The following ANO2 variants were observed in gnomAD, a reference collection of about 807,000 sequenced individuals.
ANO2 encodes anoctamin 2.
Under a neutral mutation model 124.2 loss-of-function variants are expected in ANO2, and 101 were observed. The observed-to-expected ratio is 0.81, with a 90% confidence interval of 0.69 to 0.96. The LOEUF (loss-of-function observed/expected upper bound fraction) is 0.96. Ranked by LOEUF, ANO2 falls within the 40% of genes least tolerant of loss-of-function variation. The pLI is 0.00. For synonymous variants in ANO2, 486 were observed against 482.5 expected (o/e 1.01, Z -0.09); for missense variants, 1,293 against 1,274.5 (o/e 1.01, Z -0.22).
rs551156665 is a variant in ANO2 at position 5,586,044 on chromosome 12, G to A, written c.2234-7526C>T. 2.0e-5 allele frequency among the ~76,000 whole-genome samples: 3 copies of A among 152,210 alleles called. No individual in the cohort carries two copies. The South Asian group carries it at 6.2e-4, about 32-fold the overall frequency. On this transcript the variant is annotated intron_variant, in intron 20 of 24. Coordinates refer to ENST00000682330, the MANE Select transcript of ANO2 (RefSeq NM_001364791.2). ...GTTGTTAGAGCAAGAAGAGAAATGG[G>A]GCAGCAGTACAGTTCTTCATCAGTT...
At chr12:5,576,630 G>A (rs1942429640) in intron 22 of ANO2, among the ~76,000 whole-genome samples, 1 of 152,226 alleles carries the variant, frequency 6.6e-6, no homozygotes, top group Non-Finnish European at 1.5e-5. Context: ...ACCCAACACA[G>A]CATCTGGCAT....
chr12:5,916,654 A>ACT (rs146702185), intron 3 of ANO2, among the ~76,000 whole-genome samples: 22,952 of 151,766 alleles, frequency 0.15, 1,964 homozygotes, highest in Middle Eastern at 0.2. Flanking sequence ...GTAGATGGAA[A>ACT]CTCTGTACAA....
chr12:5,913,406 G>A (rs1272730953), intron 3 of ANO2, among the ~76,000 whole-genome samples: 3 of 152,228 alleles, frequency 2.0e-5, no homozygotes, highest in South Asian at 2.1e-4. Flanking sequence ...TCCAGGGAGG[G>A]CAAAAAGCCC....
At chr12:5,622,802 A>G (rs1360765278) in intron 16 of ANO2, among the ~76,000 whole-genome samples, 1 of 152,016 alleles carries the variant, frequency 6.6e-6, no homozygotes, top group African/African-American at 2.4e-5. Flanking sequence ...TGTCTCTACT[A>G]CAAATACAAA....
At position 5,657,601 on chromosome 12, in the gene ANO2, G is replaced by A. The variant is rs940252032; in HGVS notation, c.1546-9800C>T. On this transcript the variant is annotated intron_variant, in intron 14 of 24. Transcript: ENST00000682330. Reference sequence around the variant, plus strand: ...GCCCTTGGGACATTGTCAGAGATGAGAATCAAGGAAAACCCAGGTGCTCCT... The same window carrying A: ...GCCCTTGGGACATTGTCAGAGATGAAAATCAAGGAAAACCCAGGTGCTCCT... Among the ~76,000 whole-genome samples, 6 of 151,792 alleles carry A rather than the reference G, an allele frequency of 4.0e-5. No homozygotes were observed. The East Asian group carries it at 9.7e-4, about 25-fold the overall frequency.
intron 23 of ANO2, among the ~76,000 whole-genome samples, chr12:5,575,119 C>T (rs893803141): frequency 6.6e-6 from 1 of 152,158 alleles, no homozygotes; most frequent in East Asian, 1.9e-4. Context: ...CTCCAGGAGG[C>T]CCACCCTTTC....
rs149278833 is a variant in ANO2, at chr12:5,862,782, CTCTT to C, written c.535-8645_535-8642del. Among the ~76,000 whole-genome samples the C allele has an allele frequency of 0.017, 2,637 of 151,808 alleles. 70 individuals are homozygous for C. Among genetic ancestry groups the C allele is most frequent in the African/African-American group, 0.056 (2,326 of 41,388 alleles). On this transcript the variant is annotated intron_variant, in intron 3 of 24. Coordinates refer to ENST00000682330, the MANE Select transcript of ANO2 (RefSeq NM_001364791.2). The surrounding 1 kb of genome is among the most constrained non-coding windows in gnomAD (Gnocchi z 4.0). Reference sequence around the variant, plus strand: ...ATCTGATGGTTTTATAAGGGAAAACCTCTTTCTTTCTTTCTTTCTTTTTTTGAGA... The same window carrying C: ...ATCTGATGGTTTTATAAGGGAAAACCTCTTTCTTTCTTTCTTTTTTTGAGA...
intron 15 of ANO2, among the ~76,000 whole-genome samples, chr12:5,641,321 T>C (rs1946381917): frequency 6.6e-6 from 1 of 152,148 alleles, no homozygotes; most frequent in African/African-American, 2.4e-5. Flanking sequence ...CATGTATACC[T>C]AGGTAGCAAA....
intron 10 of ANO2, among the ~76,000 whole-genome samples, chr12:5,756,055 T>C (rs978865473): frequency 6.6e-6 from 1 of 152,040 alleles, no homozygotes; most frequent in African/African-American, 2.4e-5. Flanking sequence ...AACCTTTCTG[T>C]TTTTTCTGTT....
chr12:5,876,662 A>T lies in ANO2; in HGVS notation c.535-22521T>A, dbSNP rs565848203. Among the ~76,000 whole-genome samples the T allele has an allele frequency of 2.0e-5, 3 of 152,340 alleles. No homozygotes were observed. In the East Asian group the frequency reaches 5.8e-4, roughly 29 times the overall value. ...ACACTATGCAGCCATAAAAAAGATG[A>T]GTTAATATCGTTTGCAGAGACATGG... is the stretch of plus-strand genomic sequence containing the variant. On this transcript the variant is annotated intron_variant, in intron 3 of 24. Coordinates refer to ENST00000682330, the MANE Select transcript of ANO2 (RefSeq NM_001364791.2).
At chr12:5,640,873 G>C (rs113891849) in intron 15 of ANO2, among the ~76,000 whole-genome samples, 21 of 151,992 alleles carry the variant, frequency 1.4e-4, no homozygotes, top group Non-Finnish European at 2.8e-4. Flanking sequence ...CCCACTACTG[G>C]GTACATACCC....
At chr12:5,869,644 G>A (rs939759505) in intron 3 of ANO2, among the ~76,000 whole-genome samples, 8 of 152,024 alleles carry the variant, frequency 5.3e-5, no homozygotes, top group African/African-American at 1.9e-4. Context: ...ACTCAGGCCA[G>A]GACACAAACC....
At chr12:5,708,168 T>C (rs535223053) in intron 14 of ANO2, among the ~76,000 whole-genome samples, 1 of 152,276 alleles carries the variant, frequency 6.6e-6, no homozygotes, top group Non-Finnish European at 1.5e-5. Context: ...CAGTGAACGC[T>C]CTCCTGAGTA....
chr12:5,784,870 T>C (rs1952496710), intron 10 of ANO2, among the ~76,000 whole-genome samples: 1 of 152,190 alleles, frequency 6.6e-6, no homozygotes, highest in Non-Finnish European at 1.5e-5. Flanking sequence ...CAACCAGCCC[T>C]TCACCAGGCC....
chr12:5,700,821 G>A (rs1165710871), intron 14 of ANO2, among the ~76,000 whole-genome samples: 4 of 152,128 alleles, frequency 2.6e-5, no homozygotes, highest in East Asian at 1.9e-4. Flanking sequence ...ACCACTGCAC[G>A]AGGACTCCTC....
intron 13 of ANO2, among the ~76,000 whole-genome samples, chr12:5,733,896 T>C (rs1950749154): frequency 6.6e-6 from 1 of 152,216 alleles, no homozygotes; most frequent in South Asian, 2.1e-4. Context: ...TCTTTTATTT[T>C]TTCCTCGCTG....
intron 3 of ANO2, among the ~76,000 whole-genome samples, chr12:5,857,646 A>G (rs1461155900): frequency 6.6e-6 from 1 of 151,984 alleles, no homozygotes; most frequent in Non-Finnish European, 1.5e-5. Context: ...TTTTTCATAT[A>G]CCTGTTGTCC....
intron 7 of ANO2, among the ~76,000 whole-genome samples, chr12:5,813,385 C>T (rs999638571): frequency 1.3e-5 from 2 of 152,076 alleles, no homozygotes; most frequent in Non-Finnish European, 2.9e-5. Context: ...CTCTAGAGTT[C>T]CTAAGAATCA....
chr12:5,797,753 C>T (rs536327093), intron 10 of ANO2, among the ~76,000 whole-genome samples: 4 of 152,336 alleles, frequency 2.6e-5, no homozygotes, highest in Admixed American at 2.6e-4. Context: ...CAAGACTTGG[C>T]TTTGCCCAGG....
Sources: allele counts gnomAD v4.1 joint callset (sites outside exome capture counted in the v4.1 genomes callset), GRCh38; gene constraint gnomAD v4.1.1; non-coding constraint Gnocchi (gnomAD v3.1); transcripts MANE v1.5; gene names NCBI Gene and HGNC (gene_info 2026-07-23, HGNC 2026-07-21).